NKTR: variants seen among roughly 807,000 people sequenced by gnomAD.
NKTR encodes NK-tumor recognition protein.
NKTR carries 67 observed loss-of-function variants against 156.3 expected under a neutral mutation model. That is an observed-to-expected ratio of 0.43 (90% confidence interval 0.35 to 0.53). The LOEUF is 0.53. Among genes scored for constraint, NKTR ranks in the 20% least tolerant of loss-of-function variants. The pLI is 0.01. For missense variants in NKTR, 1,604 were observed against 1,730.9 expected, an observed-to-expected ratio of 0.93 and a Z score of 1.30; for synonymous variants, 640 against 596.6, an observed-to-expected ratio of 1.07 and a Z score of -1.06.
chr3:42,629,727 A>G (rs1356488033), intron 6 of NKTR: 14 of 984,768 alleles, frequency 1.4e-5, no homozygotes, highest in Non-Finnish European at 1.7e-5. Context: ...TGCAATTCAT[A>G]TAATGTGAAG....
intron 14 of NKTR, 149 bp from the exon 15 acceptor site, chr3:42,643,190 A>G (rs1437769632): frequency 7.7e-6 from 5 of 651,590 alleles, no homozygotes; most frequent in Non-Finnish European, 1.4e-5. Flanking sequence ...TAAAAAATCC[A>G]ATATACTTTT....
chr3:42,639,922 C>T (rs1018247020), intron 13 of NKTR, among the ~76,000 whole-genome samples, 172 bp downstream of exon 13: 1 of 149,050 alleles, frequency 6.7e-6, no homozygotes, highest in African/African-American at 2.5e-5. Flanking sequence ...GAGGGAATTT[C>T]AGGAGGAGAA....
intron 3 of NKTR, among the ~76,000 whole-genome samples, chr3:42,618,201 A>G (rs1051808121): frequency 6.6e-6 from 1 of 151,724 alleles, no homozygotes; most frequent in Non-Finnish European, 1.5e-5. Flanking sequence ...AAATACAAAA[A>G]TTAGCCGGGC....
intron 16 of NKTR, among the ~76,000 whole-genome samples, chr3:42,644,289 C>G (rs1175449099): frequency 1.3e-5 from 2 of 152,064 alleles, no homozygotes; most frequent in African/African-American, 4.8e-5. Context: ...AGAAAGAAGG[C>G]CACCCAAACC....
chr3:42,633,550 A>G, intron 9 of NKTR, 30 bp from the exon 10 acceptor site: 2 of 1,597,144 alleles, frequency 1.3e-6, no homozygotes, highest in Non-Finnish European at 1.7e-6. Flanking sequence ...AACATTATAC[A>G]TTTTAATCAG....
At chr3:42,617,295 T>G (rs1707465635) in intron 2 of NKTR, among the ~76,000 whole-genome samples, 1 of 152,178 alleles carries the variant, frequency 6.6e-6, no homozygotes, top group Non-Finnish European at 1.5e-5. Flanking sequence ...CTACGAGGAA[T>G]CTAATAATAC....
Position 42,620,064 on chromosome 3 carries a change from A to G in NKTR, c.286+356A>G, listed in dbSNP as rs917170224. ...AAAAGGTAAGAGAACGAAGCTCAGT[A>G]ACACAAACTCCAATTCTGTTCCCTT... On this transcript the variant is annotated intron_variant, in intron 5 of 16. Transcript: ENST00000232978. 3.9e-6 allele frequency: 6 copies of G among 1,534,264 alleles called. No homozygotes were observed. In the East Asian group the frequency reaches 7.4e-5, roughly 19 times the overall value.
intron 2 of NKTR, among the ~76,000 whole-genome samples, chr3:42,610,944 A>G (rs1396624025): frequency 1.3e-5 from 2 of 152,106 alleles, no homozygotes; most frequent in Admixed American, 1.3e-4. Flanking sequence ...TTTTATCTGT[A>G]TACTATCTTA....
At chr3:42,628,596 A>T in intron 6 of NKTR, 3 of 985,412 alleles carry the variant, frequency 3.0e-6, no homozygotes, top group Non-Finnish European at 3.6e-6. Context: ...GAGTCATGGG[A>T]GGAACGGATC....
In NKTR at chr3:42,618,293, A is replaced by G. The variant is rs766666626; in HGVS notation, c.133+649A>G. On this transcript the variant is annotated intron_variant, in intron 3 of 16. Transcript: ENST00000232978. Reference sequence around the variant, plus strand: ...TTGAACCCGGGAGGCGGAGCTTGCAATGAGCCAAGATTGCGCCATTGCACT... The same window carrying G: ...TTGAACCCGGGAGGCGGAGCTTGCAGTGAGCCAAGATTGCGCCATTGCACT... 3.3e-4 allele frequency among the ~76,000 whole-genome samples: 50 copies of G among 150,790 alleles called. 1 individual carries two copies. Among genetic ancestry groups the G allele is most frequent in the African/African-American group, 1.1e-3 (45 of 41,132 alleles).
In NKTR at chr3:42,632,352, T is replaced by C. The variant is rs561137927; in HGVS notation, c.551-249T>C. ...TCCCACAGTGTTAGGATTACAGATA[T>C]GAGTCACTGCACCGGGCCTATTTCT... On this transcript the variant is annotated intron_variant, in intron 8 of 16. Coordinates refer to ENST00000232978, the MANE Select transcript of NKTR (RefSeq NM_005385.4). Among the ~76,000 whole-genome samples the C allele has an allele frequency of 8.5e-5, 13 of 152,236 alleles. No homozygotes were observed. The South Asian group carries it at 2.3e-3, about 27-fold the overall frequency.
intron 2 of NKTR, among the ~76,000 whole-genome samples, chr3:42,611,789 G>A (rs1331868703): frequency 1.3e-5 from 2 of 151,296 alleles, no homozygotes; most frequent in African/African-American, 4.9e-5. Context: ...CTTCAGAAAA[G>A]TCTACCTATT....
At chr3:42,636,774 T>C in intron 12 of NKTR, 94 bp from the exon 13 acceptor site, 1 of 1,469,338 alleles carries the variant, frequency 6.8e-7, no homozygotes, top group Non-Finnish European at 9.0e-7. Flanking sequence ...AAAGTGTTAA[T>C]GGGGTCAAGA....
chr3:42,634,473 C>T, intron 10 of NKTR, 140 bp from the exon 11 acceptor site: 1 of 504,486 alleles, frequency 2.0e-6, no homozygotes. Context: ...TTTTTAAAGC[C>T]TGATATTGTC....
rs147491617 is a variant in NKTR, at chr3:42,605,678, G to A, written c.58+4614G>A. On this transcript the variant is annotated intron_variant, in intron 2 of 16. Transcript: ENST00000232978. ...GAGTGAGGTATATGGGATCTGGTTT[G>A]TTCTGAGGGAATAGGAGAAATGCAT... is the stretch of plus-strand genomic sequence containing the variant. Among the ~76,000 whole-genome samples, 455 of 152,320 alleles carry A rather than the reference G, an allele frequency of 3.0e-3. 4 individuals carry two copies. The highest frequency in any genetic ancestry group is 0.01 in the African/African-American group (431 of 41,574).
intron 2 of NKTR, among the ~76,000 whole-genome samples, chr3:42,607,863 G>A (rs186701341): frequency 4.0e-5 from 6 of 151,372 alleles, no homozygotes; most frequent in African/African-American, 1.5e-4. Flanking sequence ...ATTTGATTCT[G>A]GACACTATCT....
intron 11 of NKTR, 65 bp from the exon 12 acceptor site, chr3:42,635,156 T>C: frequency 7.6e-7 from 1 of 1,318,962 alleles, no homozygotes; most frequent in Non-Finnish European, 1.0e-6. Context: ...TTTACTTAAC[T>C]CTGTCACATA....
rs548355904 is a variant in NKTR, at chr3:42,609,895, G to A, written c.59-7675G>A. Reference sequence around the variant, plus strand: ...TCAGTATCTGTTGGTATTTCAGTTGGTTCTTTTGGGCTTTCTAGGTGTATA... The same window carrying A: ...TCAGTATCTGTTGGTATTTCAGTTGATTCTTTTGGGCTTTCTAGGTGTATA... On this transcript the variant is annotated intron_variant, in intron 2 of 16. Transcript: ENST00000232978. Among the ~76,000 whole-genome samples the A allele has an allele frequency of 4.1e-4, 62 of 152,232 alleles. 1 individual carries two copies. Among genetic ancestry groups the A allele is most frequent in the African/African-American group, 1.3e-3 (56 of 41,542 alleles).
Position 42,637,660 on chromosome 3 carries a change from A to C in NKTR, c.1956A>C (p.Leu652Phe). The C allele has an allele frequency of 6.2e-7, 1 of 1,613,070 alleles. No homozygotes were observed. The highest frequency in any genetic ancestry group is 8.5e-7 in the Non-Finnish European group (1 of 1,179,768). Reference protein sequence around the residue: ...HLLPIQSTYSLANIKETGSSS... With the variant: ...HLLPIQSTYSFANIKETGSSS... ...TACCCATCCAAAGCACTTACAGTTT[A>C]GCAAATATTAAAGAGACTGGTAGCT... Residue 652 changes from leucine to phenylalanine, a missense_variant, in exon 13 of 17, where the codon TTA becomes TTC. This residue lies in a region of NKTR where 1,255 missense variants were observed against 1,243.7 expected (regional missense o/e 1.01). Coordinates refer to ENST00000232978, the MANE Select transcript of NKTR (RefSeq NM_005385.4).
Sources: gnomAD v4.1 joint callset for allele counts (sites outside exome capture counted in the v4.1 genomes callset) on GRCh38, gnomAD v4.1.1 for gene constraint, gnomAD v4.1.1 regional missense constraint, MANE v1.5 for transcripts, NCBI Gene and HGNC (gene_info 2026-07-23, HGNC 2026-07-21) for gene names.